Variants in ACER1 observed in about 807,000 individuals in gnomAD.
ACER1 encodes the protein alkaline ceramidase 1.
In ACER1, 28 loss-of-function variants were observed where a neutral mutation model predicts 24.9. The ratio of observed to expected loss-of-function variants is 1.13; its 90% CI spans 0.83 to 1.54. ACER1 has a LOEUF of 1.54. Ranked by LOEUF, ACER1 falls within the 40% of genes most tolerant of loss-of-function variation. The probability of loss-of-function intolerance (pLI) is 0.00; values close to 1 mark genes in which losing one functional copy is unlikely to be tolerated. For synonymous variants in ACER1, 132 were observed against 131.4 expected (o/e 1.00, Z -0.03); for missense variants, 352 against 349.3 (o/e 1.01, Z -0.06).
At chr19:6,342,255 GTTC>G in the ACER1 span, among the ~76,000 whole-genome samples, 1 of 114,100 alleles carries the variant, frequency 8.8e-6, no homozygotes, top group Non-Finnish European at 1.7e-5. Context: ...GAGTATCCTA[GTTC>G]TTTTTTTTTT....
intron 1 of ACER1, among the ~76,000 whole-genome samples, chr19:6,330,684 G>C (rs2145018978): frequency 6.7e-6 from 1 of 148,462 alleles, no homozygotes; most frequent in African/African-American, 2.6e-5. Flanking sequence ...GTGGCTGCTG[G>C]GGATTCCAGA....
chr19:6,309,235 T>A (rs1352869341), intron 4 of ACER1, among the ~76,000 whole-genome samples: 1 of 151,650 alleles, frequency 6.6e-6, no homozygotes, highest in Non-Finnish European at 1.5e-5. Context: ...AAAGATAATG[T>A]AGGGTGGATG....
chr19:6,339,273 T>C, the ACER1 span, among the ~76,000 whole-genome samples: 1 of 152,170 alleles, frequency 6.6e-6, no homozygotes, highest in African/African-American at 2.4e-5. Context: ...CGTGGAATAT[T>C]ATTCAGCCCT....
At chr19:6,327,840 G>C (rs1418937657) in intron 1 of ACER1, among the ~76,000 whole-genome samples, 11 of 151,830 alleles carry the variant, frequency 7.2e-5, no homozygotes, top group Non-Finnish European at 2.9e-5. Flanking sequence ...ACTTTGGGAG[G>C]CCGAGGTGGG....
At chr19:6,341,243 G>A in the ACER1 span, among the ~76,000 whole-genome samples, 3 of 148,904 alleles carry the variant, frequency 2.0e-5, no homozygotes, top group Non-Finnish European at 3.0e-5. Context: ...CCAGGAGGTG[G>A]AGGTTGCAGT....
chr19:6,330,726 T>A (rs1277604525), intron 1 of ACER1, among the ~76,000 whole-genome samples: 2 of 149,844 alleles, frequency 1.3e-5, no homozygotes, highest in Non-Finnish European at 2.9e-5. Flanking sequence ...ACCCATCATC[T>A]CAGCCTCGTA....
chr19:6,344,272 A>G, the ACER1 span, among the ~76,000 whole-genome samples: 1 of 151,306 alleles, frequency 6.6e-6, no homozygotes, highest in South Asian at 2.1e-4. Flanking sequence ...CCGTCTAAAA[A>G]TATATATATA....
chr19:6,349,213 A>C, the ACER1 span, among the ~76,000 whole-genome samples: 1 of 151,774 alleles, frequency 6.6e-6, no homozygotes, highest in Non-Finnish European at 1.5e-5. Context: ...TTGGTGGCTC[A>C]TGTCTGTAAT....
At chr19:6,307,618 T>TAA (rs575533649) in intron 4 of ACER1, among the ~76,000 whole-genome samples, 12 of 127,464 alleles carry the variant, frequency 9.4e-5, no homozygotes, top group Non-Finnish European at 1.3e-4. Context: ...ACCCCATCTC[T>TAA]AAAAAAAAAA....
At chr19:6,315,915 G>A (rs1279675475) in intron 1 of ACER1, among the ~76,000 whole-genome samples, 4 of 152,304 alleles carry the variant, frequency 2.6e-5, no homozygotes, top group South Asian at 2.1e-4. Flanking sequence ...AAATCACGAA[G>A]TCAGGAATTC....
intron 1 of ACER1, among the ~76,000 whole-genome samples, chr19:6,320,115 A>C (rs2091622690): frequency 6.6e-6 from 1 of 151,578 alleles, no homozygotes; most frequent in Non-Finnish European, 1.5e-5. Context: ...AAAAAAAAAA[A>C]AAAAAGGAAA....
At chr19:6,349,432 A>AGAAG in the ACER1 span, among the ~76,000 whole-genome samples, 4,279 of 132,010 alleles carry the variant, frequency 0.032, 206 homozygotes, top group African/African-American at 0.076. Context: ...AAGGAAGGAA[A>AGAAG]GAAGGAAGGG....
At chr19:6,322,146 T>C (rs1220366672) in intron 1 of ACER1, among the ~76,000 whole-genome samples, 2 of 152,132 alleles carry the variant, frequency 1.3e-5, no homozygotes, top group Non-Finnish European at 2.9e-5. Flanking sequence ...AGATCACTGG[T>C]TTCATGCATG....
intron 1 of ACER1, among the ~76,000 whole-genome samples, chr19:6,322,928 T>C (rs1212649636): frequency 6.6e-6 from 1 of 151,430 alleles, no homozygotes; most frequent in African/African-American, 2.4e-5. Flanking sequence ...CTGACCAACA[T>C]GGAGAAACCC....
At chr19:6,340,569 G>A in the ACER1 span, among the ~76,000 whole-genome samples, 1 of 152,142 alleles carries the variant, frequency 6.6e-6, no homozygotes, top group African/African-American at 2.4e-5. Context: ...AACAGTCTCT[G>A]CTCTGTGTGT....
chr19:6,310,521 G>T (rs2091574018), intron 3 of ACER1, among the ~76,000 whole-genome samples: 1 of 151,976 alleles, frequency 6.6e-6, no homozygotes, highest in African/African-American at 2.4e-5. Context: ...AGTGGGCCAA[G>T]ATCACGCCAC....
the ACER1 span, among the ~76,000 whole-genome samples, chr19:6,357,785 T>A: frequency 6.6e-6 from 1 of 151,910 alleles, no homozygotes; most frequent in Non-Finnish European, 1.5e-5. Flanking sequence ...AAATTAGCTT[T>A]TTTGGGGATC....
intron 1 of ACER1, among the ~76,000 whole-genome samples, chr19:6,327,506 A>G (rs536248122): frequency 6.6e-6 from 1 of 152,094 alleles, no homozygotes; most frequent in East Asian, 1.9e-4. Flanking sequence ...CGGAGCTTGC[A>G]GTGAGCCGAG....
chr19:6,326,253 G>A (rs1055718231), intron 1 of ACER1, among the ~76,000 whole-genome samples: 27 of 151,178 alleles, frequency 1.8e-4, no homozygotes, highest in Admixed American at 2.6e-4. Flanking sequence ...TCAGCCTCCC[G>A]AGTAGCTGGG....
Sources: gnomAD v4.1 joint callset for allele counts (sites outside exome capture counted in the v4.1 genomes callset) on GRCh38, gnomAD v4.1.1 for gene constraint, MANE v1.5 for transcripts, NCBI Gene and HGNC (gene_info 2026-07-23, HGNC 2026-07-21) for gene names.